GLB1L2: variants seen among roughly 807,000 people sequenced by gnomAD.
GLB1L2 encodes galactosidase beta 1 like 2.
Under a neutral mutation model 84.1 loss-of-function variants are expected in GLB1L2, and 68 were observed. The observed-to-expected ratio is 0.81, with a 90% CI of 0.67 to 0.99. The LOEUF is 0.99. Among genes scored for constraint, GLB1L2 ranks in the 50% least tolerant of loss-of-function variants. GLB1L2 has a pLI of 0.00. For synonymous variants in GLB1L2, 290 were observed against 318.0 expected, an observed-to-expected ratio of 0.91 and a Z score of 0.94; for missense variants, 762 against 805.6, an observed-to-expected ratio of 0.95 and a Z score of 0.66.
chr11:134,360,509 T>C (rs1291569252), intron 7 of GLB1L2: 1 of 152,212 alleles, frequency 6.6e-6, no homozygotes, highest in Non-Finnish European at 1.5e-5. Flanking sequence ...GGGAGACTCC[T>C]GGTGCTGGAG....
intron 7 of GLB1L2, among the ~76,000 whole-genome samples, chr11:134,362,309 C>T (rs1190451473): frequency 7.4e-5 from 11 of 149,140 alleles, no homozygotes; most frequent in African/African-American, 2.5e-4. Flanking sequence ...AAAGCGCTGC[C>T]CGCGTTCCCT....
At chr11:134,337,736 C>T (rs1255669825) in intron 1 of GLB1L2, among the ~76,000 whole-genome samples, 1 of 152,170 alleles carries the variant, frequency 6.6e-6, no homozygotes, top group African/African-American at 2.4e-5. Flanking sequence ...TCTTTGTGGG[C>T]AGCTGAACAC....
chr11:134,362,930 T>G (rs1309893402), intron 7 of GLB1L2, among the ~76,000 whole-genome samples: 1 of 152,234 alleles, frequency 6.6e-6, no homozygotes, highest in Non-Finnish European at 1.5e-5. Flanking sequence ...CCCTGTGTCC[T>G]TCTCAGTGTT....
rs746573586 is a variant in GLB1L2 at position 134,345,055 on chromosome 11, A to G, written c.375A>G (p.Ala125=). The G allele has an allele frequency of 1.9e-6, 3 of 1,613,012 alleles. No homozygotes were observed. In the African/African-American group the frequency reaches 4.0e-5, roughly 22 times the overall value. Residue 125 remains alanine, a synonymous_variant, in exon 4 of 19, where the codon GCA becomes GCG. Transcript: ENST00000535456. ...CTAGGGCCTTCGTCCTGATGGCCGCAGAGATCGGGCTGTGGGTGATTCTGC... is the reference window on the plus strand; with the variant it reads ...CTAGGGCCTTCGTCCTGATGGCCGCGGAGATCGGGCTGTGGGTGATTCTGC... ...LDLEAFVLMA[A]EIGLWVILRP...
Position 134,370,263 on chromosome 11 carries a change from T to C in GLB1L2, c.1109-30T>C. ...GAGCAGGCAGTGACATTTGGGTCCGTTGGGGGTGACCCTGTTTTCTGTGTT... is the reference window on the plus strand; with the variant it reads ...GAGCAGGCAGTGACATTTGGGTCCGCTGGGGGTGACCCTGTTTTCTGTGTT... On this transcript the variant is annotated intron_variant, in intron 11 of 18. Coordinates refer to ENST00000535456, the MANE Select transcript of GLB1L2 (RefSeq NM_001370461.1). The surrounding 1 kb of genome is among the most constrained non-coding windows in gnomAD (Gnocchi z 4.7). 1.9e-6 allele frequency: 3 copies of C among 1,590,780 alleles called. No individual in the cohort carries two copies. Among genetic ancestry groups the C allele is most frequent in the East Asian group, 2.2e-5 (1 of 44,736 alleles).
intron 5 of GLB1L2, among the ~76,000 whole-genome samples, chr11:134,354,706 G>A (rs900824308): frequency 4.6e-5 from 7 of 152,036 alleles, no homozygotes; most frequent in African/African-American, 1.7e-4. Flanking sequence ...CTTCTGGCCT[G>A]AAAATTTTCT....
chr11:134,348,570 ATAGT>A (rs1449010922), intron 5 of GLB1L2, among the ~76,000 whole-genome samples: 1 of 152,204 alleles, frequency 6.6e-6, no homozygotes, highest in African/African-American at 2.4e-5. Flanking sequence ...AAATAATCAC[ATAGT>A]TATTTAATTT....
At chr11:134,355,690 C>T (rs1176828531) in intron 5 of GLB1L2, among the ~76,000 whole-genome samples, 1 of 152,110 alleles carries the variant, frequency 6.6e-6, no homozygotes, top group Non-Finnish European at 1.5e-5. Context: ...AATTCTTTTC[C>T]CCCAGGCATC....
At chr11:134,374,802 C>T (rs143714785) in intron 18 of GLB1L2, 84 bp downstream of exon 18, 27 of 1,231,914 alleles carry the variant, frequency 2.2e-5, no homozygotes, top group Non-Finnish European at 2.7e-5. Context: ...GGTGGAGGGG[C>T]GTGTCAGCGG....
In GLB1L2 at chr11:134,370,478, G is replaced by C; in HGVS notation, c.1215+79G>C. 1 of 1,122,132 alleles carries C rather than the reference G, an allele frequency of 8.9e-7. No individual in the cohort carries two copies. Among genetic ancestry groups the C allele is most frequent in the Non-Finnish European group, 1.3e-6 (1 of 746,362 alleles). The allele number at this position is 1,122,132 out of a possible 1,614,324, so 69.5% of individuals were successfully genotyped here. ...GGCAGGGAGGTGAGTGCTGGGGGCA[G>C]TCGTCGGCGGGAGGTGAGAGTCGTC... On this transcript the variant is annotated intron_variant, in intron 12 of 18. Transcript: ENST00000535456. The surrounding 1 kb of genome is among the most constrained non-coding windows in gnomAD (Gnocchi z 4.7).
chr11:134,366,329 T>A (rs191637584), intron 8 of GLB1L2, among the ~76,000 whole-genome samples: 12 of 152,346 alleles, frequency 7.9e-5, no homozygotes, highest in African/African-American at 2.9e-4. Flanking sequence ...TTGTAACTAC[T>A]TTGGCTTTAA....
intron 15 of GLB1L2, chr11:134,372,696 G>A (rs755752533): frequency 7.9e-5 from 12 of 152,224 alleles, no homozygotes; most frequent in Non-Finnish European, 1.5e-4. Context: ...CGTTTGTGAC[G>A]GAGGAAACTT....
rs1038278334 is a variant in GLB1L2 at position 134,370,203 on chromosome 11, A to G, written c.1109-90A>G. The G allele has an allele frequency of 1.9e-6, 2 of 1,065,252 alleles. No individual in the cohort carries two copies. Among genetic ancestry groups the G allele is most frequent in the Admixed American group, 1.7e-5 (1 of 58,436 alleles). 66.0% of individuals were successfully genotyped at this position (1,065,252 alleles called of 1,614,324 possible). Reference sequence around the variant, plus strand: ...TCTTGGTGCTGGGACGCAGGAGCACATCGGGTCTGTGGATGGGAGCCGGGT... The same window carrying G: ...TCTTGGTGCTGGGACGCAGGAGCACGTCGGGTCTGTGGATGGGAGCCGGGT... On this transcript the variant is annotated intron_variant, in intron 11 of 18. Coordinates refer to ENST00000535456, the MANE Select transcript of GLB1L2 (RefSeq NM_001370461.1). The surrounding 1 kb of genome is among the most constrained non-coding windows in gnomAD (Gnocchi z 4.7).
chr11:134,363,512 G>A (rs928068298), intron 7 of GLB1L2, among the ~76,000 whole-genome samples: 9 of 152,200 alleles, frequency 5.9e-5, no homozygotes, highest in South Asian at 2.1e-4. Flanking sequence ...GGGCATGCCC[G>A]GGTGTCAGCC....
In GLB1L2 at chr11:134,359,101, A is replaced by G; in HGVS notation, c.693A>G (p.Ser231=). 6.2e-7 allele frequency: 1 copy of G among 1,604,472 alleles called. No homozygotes were observed. The highest frequency in any genetic ancestry group is 8.5e-7 in the Non-Finnish European group (1 of 1,175,370). ...DRGIVELLLT[S]DNKDGLSKGI... ...GCATTGTGGAACTGCTCCTGACTTC[A>G]GACAACAAGGATGGGCTGAGCAAGG... The change falls in exon 7 of 19, where the codon TCA becomes TCG. Residue 231 remains serine, a synonymous_variant. Transcript: ENST00000535456.
chr11:134,333,156 A>G (rs1943330829), intron 1 of GLB1L2, among the ~76,000 whole-genome samples: 2 of 152,282 alleles, frequency 1.3e-5, no homozygotes, highest in South Asian at 4.1e-4. Context: ...GACAAACTCT[A>G]TGTTTACACC....
In GLB1L2 at chr11:134,356,382, T is replaced by C. The variant is rs1943702559; in HGVS notation, c.640T>C (p.Tyr214His). The C allele has an allele frequency of 6.2e-7, 1 of 1,611,840 alleles. No homozygotes were observed. The highest frequency in any genetic ancestry group is 1.7e-5 in the Admixed American group (1 of 60,004). ...SYNKDPAYMP[Y>H]VKKALEDRGI... ...TAATAAAGACCCCGCATACATGCCC[T>C]ACGTCAAGAAGGTAAGAATCCTCTT... The change falls in exon 6 of 19, where the codon TAC becomes CAC. Residue 214 changes from tyrosine (Y) to histidine (H), a missense_variant. Physicochemically the swap from Tyr to His is moderately conservative, Grantham distance 83 (BLOSUM62 2). Coordinates refer to ENST00000535456, the MANE Select transcript of GLB1L2 (RefSeq NM_001370461.1).
intron 1 of GLB1L2, among the ~76,000 whole-genome samples, chr11:134,335,241 T>TTTC (rs11404132): frequency 6.6e-6 from 1 of 151,412 alleles, no homozygotes. Flanking sequence ...TTTTTTTTTT[T>TTTC]ATGTGAATCA....
chr11:134,363,531 C>T (rs539684747), intron 7 of GLB1L2, among the ~76,000 whole-genome samples: 3 of 152,308 alleles, frequency 2.0e-5, no homozygotes, highest in South Asian at 2.1e-4. Context: ...CCAAACAGAG[C>T]GCACCTTTCT....
Sources: allele counts gnomAD v4.1 joint callset (sites outside exome capture counted in the v4.1 genomes callset), GRCh38; gene constraint gnomAD v4.1.1; non-coding constraint Gnocchi (gnomAD v3.1); transcripts MANE v1.5; gene names NCBI Gene and HGNC (gene_info 2026-07-23, HGNC 2026-07-21).